The following DRC9 variants were observed in gnomAD, a reference collection of about 807,000 sequenced individuals.
DRC9 encodes dynein regulatory complex subunit 9, also known as dynein regulatory complex protein 9.
At chr3:197,912,984 G>A in the DRC9 span, 4 of 494,918 alleles carry the variant, frequency 8.1e-6, no homozygotes, top group Admixed American at 7.1e-5. Flanking sequence ...CTGAACAGAG[G>A]TGCCCACTGA....
chr3:197,892,568 CAGTG>C, the DRC9 span: 1 of 1,589,592 alleles, frequency 6.3e-7, no homozygotes, highest in Non-Finnish European at 8.6e-7. Context: ...ACTCCCTCCT[CAGTG>C]AGCACCCTAA....
At chr3:197,926,170 C>T in the DRC9 span, 2 of 850,636 alleles carry the variant, frequency 2.4e-6, no homozygotes, top group Non-Finnish European at 4.0e-6. Context: ...GCACAAGGAC[C>T]ACCCCGCACA....
At chr3:197,951,331 A>G in the DRC9 span, 1 of 1,613,560 alleles carries the variant, frequency 6.2e-7, no homozygotes, top group Non-Finnish European at 8.5e-7. Context: ...TGACACTGGT[A>G]GGTTTTGGGT....
chr3:197,952,162 GTTTTTTTTTTTTTT>G, the DRC9 span, among the ~76,000 whole-genome samples: 1 of 83,860 alleles, frequency 1.2e-5, no homozygotes, highest in African/African-American at 5.2e-5. Context: ...AAAATTATGG[GTTTTTTTTTTTTTT>G]TTTTTTTTTT....
the DRC9 span, chr3:197,957,755 A>G: frequency 4.6e-5 from 7 of 152,390 alleles, no homozygotes; most frequent in South Asian, 4.1e-4. Context: ...CAAAAGGCCA[A>G]CATAAGCTAA....
the DRC9 span, among the ~76,000 whole-genome samples, chr3:197,890,899 G>A: frequency 6.6e-6 from 1 of 152,220 alleles, no homozygotes; most frequent in Non-Finnish European, 1.5e-5. Flanking sequence ...AGAAGGGCCA[G>A]CTCCAGACAG....
chr3:197,951,095 T>C, the DRC9 span: 1 of 1,608,888 alleles, frequency 6.2e-7, no homozygotes, highest in Non-Finnish European at 8.5e-7. Flanking sequence ...TGGGTGGGGG[T>C]GATTACAAGT....
chr3:197,896,324 CAA>C, the DRC9 span, among the ~76,000 whole-genome samples: 2 of 150,562 alleles, frequency 1.3e-5, no homozygotes, highest in African/African-American at 4.9e-5. Flanking sequence ...GCCTGGGCAA[CAA>C]GAGCAAAACT....
the DRC9 span, among the ~76,000 whole-genome samples, chr3:197,901,470 C>T: frequency 6.6e-6 from 1 of 152,196 alleles, no homozygotes; most frequent in South Asian, 2.1e-4. This position sits in a 1 kb window ranked among gnomAD's most constrained non-coding sequence, Gnocchi z 4.4. Flanking sequence ...CATTTCTGGT[C>T]CTGTTCTGGG....
At chr3:197,929,637 A>T in the DRC9 span, among the ~76,000 whole-genome samples, 7 of 152,176 alleles carry the variant, frequency 4.6e-5, no homozygotes, top group African/African-American at 1.7e-4. The surrounding 1 kb of genome is among the most constrained non-coding windows in gnomAD (Gnocchi z 4.6). Context: ...TTAGCTGGGC[A>T]TAGTGGCAAA....
the DRC9 span, chr3:197,955,911 G>C: frequency 1.4e-6 from 1 of 737,996 alleles, no homozygotes; most frequent in Non-Finnish European, 2.4e-6. Flanking sequence ...GTACAAGGGG[G>C]TCAGAGAGAC....
At chr3:197,935,561 G>A in the DRC9 span, among the ~76,000 whole-genome samples, 37,926 of 151,924 alleles carry the variant, frequency 0.25, 5,959 homozygotes, top group African/African-American at 0.45. Flanking sequence ...GTAACTCACT[G>A]TAACCTCAAC....
At chr3:197,906,574 T>C in the DRC9 span, 1 of 152,298 alleles carries the variant, frequency 6.6e-6, no homozygotes, top group African/African-American at 2.4e-5. Context: ...GCTGTCACTT[T>C]GGGTCCCCGT....
chr3:197,952,163 T>TTG, the DRC9 span, among the ~76,000 whole-genome samples: 3 of 44,110 alleles, frequency 6.8e-5, no homozygotes, highest in East Asian at 1.8e-3. Flanking sequence ...AAATTATGGG[T>TTG]TTTTTTTTTT....
At chr3:197,901,722 T>C in the DRC9 span, among the ~76,000 whole-genome samples, 2 of 152,224 alleles carry the variant, frequency 1.3e-5, no homozygotes, top group African/African-American at 2.4e-5. The surrounding 1 kb of genome is among the most constrained non-coding windows in gnomAD (Gnocchi z 4.4). Flanking sequence ...GTTTAGAGCA[T>C]AAGGTAGACT....
At chr3:197,955,656 G>A in the DRC9 span, 2 of 1,109,396 alleles carry the variant, frequency 1.8e-6, no homozygotes, top group African/African-American at 1.5e-5. Context: ...CATGTAATTG[G>A]TAGCCTTTCA....
chr3:197,931,163 T>C, the DRC9 span, among the ~76,000 whole-genome samples: 2 of 151,520 alleles, frequency 1.3e-5, no homozygotes, highest in Admixed American at 1.3e-4. Flanking sequence ...AAATGCAGGA[T>C]CAATCATTAC....
the DRC9 span, among the ~76,000 whole-genome samples, chr3:197,919,448 A>G: frequency 6.6e-6 from 1 of 152,192 alleles, no homozygotes; most frequent in Non-Finnish European, 1.5e-5. Flanking sequence ...ATTTGCCTTC[A>G]CTACAACCTC....
chr3:197,943,636 CA>C, the DRC9 span: 24,434 of 532,968 alleles, frequency 0.046, 249 homozygotes, highest in African/African-American at 0.15. Flanking sequence ...GAGACCCTGT[CA>C]AAAAAAAAAA....
Sources: gnomAD v4.1 joint callset for allele counts (sites outside exome capture counted in the v4.1 genomes callset) on GRCh38, gnomAD v4.1.1 for gene constraint, Gnocchi (gnomAD v3.1) non-coding constraint, MANE v1.5 for transcripts, NCBI Gene and HGNC (gene_info 2026-07-23, HGNC 2026-07-21) for gene names.